ANGPT1: variants seen among roughly 807,000 people sequenced by gnomAD.
The protein encoded by ANGPT1 is angiopoietin 1.
In ANGPT1, 17 loss-of-function variants were observed where a neutral mutation model predicts 62.2. The observed-to-expected ratio is 0.27, with a 90% CI of 0.19 to 0.41. The LOEUF (loss-of-function observed/expected upper bound fraction) is 0.41, where lower values mean the gene tolerates loss of function less well. Ranked by LOEUF, ANGPT1 falls within the 10% of genes least tolerant of loss-of-function variation. ANGPT1 has a pLI of 1.00. For missense variants in ANGPT1, 478 were observed against 594.9 expected, an observed-to-expected ratio of 0.80 and a Z score of 2.04; for synonymous variants, 199 against 198.9, an observed-to-expected ratio of 1.00 and a Z score of 0.00.
intron 2 of ANGPT1, among the ~76,000 whole-genome samples, chr8:107,337,542 C>T (rs1480221474): frequency 5.9e-5 from 9 of 152,174 alleles, no homozygotes; most frequent in Non-Finnish European, 1.0e-4. Flanking sequence ...TTGTCCTTCC[C>T]TCTCTTTACT....
chr8:107,257,946 CTT>C lies in ANGPT1; in HGVS notation c.1337-5933_1337-5932del, dbSNP rs398112844. The stretch of plus-strand genomic sequence containing the variant: ...TTTCTTTCTCTCTCTCTCTCTCTCT[CTT>C]TCTTTCTTTCCTTTCTTTCCTTTCT... On this transcript the variant is annotated intron_variant, in intron 8 of 8. Coordinates refer to ENST00000517746, the MANE Select transcript of ANGPT1 (RefSeq NM_001146.5). 2.6e-3 allele frequency among the ~76,000 whole-genome samples: 321 copies of C among 124,802 alleles called. 2 individuals carry two copies. In the Middle Eastern group the frequency reaches 0.033, roughly 13 times the overall value. 81.9% of individuals were successfully genotyped at this position (124,802 alleles called of 152,430 possible).
At chr8:107,458,280 A>G (rs755218961) in intron 1 of ANGPT1, among the ~76,000 whole-genome samples, 4 of 152,186 alleles carry the variant, frequency 2.6e-5, no homozygotes, top group Non-Finnish European at 5.9e-5. Context: ...AGATTCCAAT[A>G]GTTGCTATTT....
chr8:107,253,138 T>C (rs1813283376), intron 8 of ANGPT1, among the ~76,000 whole-genome samples: 1 of 152,210 alleles, frequency 6.6e-6, no homozygotes, highest in African/African-American at 2.4e-5. Flanking sequence ...ACAAGCTGCA[T>C]TAATCACCAG....
intron 1 of ANGPT1, among the ~76,000 whole-genome samples, chr8:107,351,574 T>C (rs779537762): frequency 4.0e-5 from 6 of 151,444 alleles, no homozygotes; most frequent in Non-Finnish European, 7.4e-5. Context: ...ACATACACAA[T>C]ATATTATAAT....
chr8:107,479,197 C>G (rs532219605), intron 1 of ANGPT1, among the ~76,000 whole-genome samples: 2 of 152,026 alleles, frequency 1.3e-5, no homozygotes, highest in South Asian at 4.1e-4. Context: ...AAACAAATAC[C>G]AAATAAATAA....
intron 1 of ANGPT1, among the ~76,000 whole-genome samples, chr8:107,436,924 A>G (rs1811349798): frequency 6.6e-6 from 1 of 152,236 alleles, no homozygotes; most frequent in African/African-American, 2.4e-5. Context: ...TAAAATGGAA[A>G]ATTATATGCT....
chr8:107,431,225 T>C (rs1025064475), intron 1 of ANGPT1, among the ~76,000 whole-genome samples: 1 of 152,234 alleles, frequency 6.6e-6, no homozygotes, highest in Non-Finnish European at 1.5e-5. Flanking sequence ...TCAGTGATTT[T>C]GGTTTATAAT....
intron 7 of ANGPT1, among the ~76,000 whole-genome samples, chr8:107,274,624 T>C (rs1333077385): frequency 1.3e-5 from 2 of 152,126 alleles, no homozygotes; most frequent in South Asian, 2.1e-4. Flanking sequence ...AAGGACATGA[T>C]ACTTTATTAG....
intron 6 of ANGPT1, among the ~76,000 whole-genome samples, chr8:107,285,645 C>A (rs887242554): frequency 6.6e-6 from 1 of 151,896 alleles, no homozygotes; most frequent in African/African-American, 2.4e-5. Context: ...AAAATAGTTT[C>A]TTTGTAGGGA....
chr8:107,284,941 T>C lies in ANGPT1; in HGVS notation c.1039-93A>G, dbSNP rs978695794. ...TATTTTCTAAATAATAATTAAAAAT[T>C]ATTAAAAAGTAAAGGTTTTTGTTTT... On this transcript the variant is annotated intron_variant, in intron 6 of 8. Coordinates refer to ENST00000517746, the MANE Select transcript of ANGPT1 (RefSeq NM_001146.5). 3.9e-6 allele frequency: 4 copies of C among 1,029,032 alleles called. No homozygotes were observed. The African/African-American group carries it at 6.6e-5, about 17-fold the overall frequency. 63.7% of individuals were successfully genotyped at this position (1,029,032 alleles called of 1,614,324 possible). A position where few individuals can be genotyped will look rare whatever the true frequency, so the allele number is the denominator to read the frequency against.
intron 7 of ANGPT1, among the ~76,000 whole-genome samples, chr8:107,283,769 A>G (rs1179356778): frequency 3.3e-5 from 5 of 152,214 alleles, no homozygotes; most frequent in Admixed American, 2.6e-4. Flanking sequence ...AATGAAACTG[A>G]GGCACACACA....
chr8:107,406,351 A>G (rs996309260), intron 1 of ANGPT1, among the ~76,000 whole-genome samples: 1 of 151,978 alleles, frequency 6.6e-6, no homozygotes, highest in Non-Finnish European at 1.5e-5. Flanking sequence ...CACACAAGGT[A>G]CAGATTTAAC....
chr8:107,476,240 G>A (rs1812522613), intron 1 of ANGPT1, among the ~76,000 whole-genome samples: 2 of 152,278 alleles, frequency 1.3e-5, no homozygotes, highest in African/African-American at 2.4e-5. Context: ...ATACACCATG[G>A]AATACTATGC....
chr8:107,326,782 C>T (rs926302146), intron 3 of ANGPT1, among the ~76,000 whole-genome samples: 1 of 152,150 alleles, frequency 6.6e-6, no homozygotes, highest in Non-Finnish European at 1.5e-5. Context: ...GCAGATGTTA[C>T]AGACCCTCAT....
At chr8:107,363,341 A>G (rs1242212953) in intron 1 of ANGPT1, among the ~76,000 whole-genome samples, 2 of 152,350 alleles carry the variant, frequency 1.3e-5, no homozygotes, top group South Asian at 4.1e-4. Flanking sequence ...AGAATCTATT[A>G]GAAGTGTGAA....
intron 4 of ANGPT1, among the ~76,000 whole-genome samples, chr8:107,307,696 C>T (rs1239809074): frequency 1.3e-5 from 2 of 151,936 alleles, no homozygotes; most frequent in African/African-American, 2.4e-5. Context: ...ACTAAGTTTC[C>T]ATTCTTGGAT....
intron 4 of ANGPT1, among the ~76,000 whole-genome samples, chr8:107,317,200 C>T (rs1815034166): frequency 6.6e-6 from 1 of 152,148 alleles, no homozygotes; most frequent in African/African-American, 2.4e-5. Flanking sequence ...CCTATCAAAC[C>T]CTAGGTTCCT....
intron 1 of ANGPT1, among the ~76,000 whole-genome samples, chr8:107,432,861 T>G (rs1811230185): frequency 6.6e-6 from 1 of 152,222 alleles, no homozygotes; most frequent in South Asian, 2.1e-4. Context: ...TTGTCCTGTC[T>G]CACTATCTGA....
At chr8:107,356,389 T>C (rs1022904964) in intron 1 of ANGPT1, among the ~76,000 whole-genome samples, 9 of 152,214 alleles carry the variant, frequency 5.9e-5, no homozygotes, top group East Asian at 1.9e-4. Context: ...CTACAAATGC[T>C]GGACTGAAGG....
Sources: allele counts gnomAD v4.1 joint callset (sites outside exome capture counted in the v4.1 genomes callset), GRCh38; gene constraint gnomAD v4.1.1; transcripts MANE v1.5; gene names NCBI Gene and HGNC (gene_info 2026-07-23, HGNC 2026-07-21).